UNC13B: variants seen among roughly 807,000 people sequenced by gnomAD.
UNC13B encodes the protein protein unc-13 homolog B.
In UNC13B, 144 loss-of-function variants were observed where a neutral mutation model predicts 211.0. The observed-to-expected ratio is 0.68, with a 90% confidence interval of 0.60 to 0.78. The LOEUF is 0.78. Among genes scored for constraint, UNC13B ranks in the 30% least tolerant of loss-of-function variants. The pLI is 0.00. For synonymous variants in UNC13B, 709 were observed against 725.8 expected, an observed-to-expected ratio of 0.98 and a Z score of 0.37; for missense variants, 1,777 against 2,002.0, an observed-to-expected ratio of 0.89 and a Z score of 2.14.
chr9:35,386,349 T>A, intron 24 of UNC13B, 56 bp downstream of exon 24: 1 of 1,608,000 alleles, frequency 6.2e-7, no homozygotes, highest in Non-Finnish European at 8.5e-7. Flanking sequence ...GGAGCCTCAG[T>A]TTTCCTTCAT....
chr9:35,168,263 G>C (rs1007935327), intron 1 of UNC13B, among the ~76,000 whole-genome samples: 3 of 152,038 alleles, frequency 2.0e-5, no homozygotes, highest in African/African-American at 7.3e-5. Flanking sequence ...TTAAGTTCAA[G>C]GGGTACATAT....
chr9:35,382,928 C>G (rs374696113), intron 21 of UNC13B, among the ~76,000 whole-genome samples: 1 of 152,102 alleles, frequency 6.6e-6, no homozygotes, highest in Non-Finnish European at 1.5e-5. Flanking sequence ...AGATAGCTAC[C>G]ATTTTGATAG....
Position 35,302,663 on chromosome 9 carries a change from A to G in UNC13B, c.3259A>G (p.Lys1087Glu), listed in dbSNP as rs1829743450. 5.0e-6 allele frequency: 2 copies of G among 398,582 alleles called. No individual in the cohort carries two copies. Among genetic ancestry groups the G allele is most frequent in the Non-Finnish European group, 8.9e-6 (2 of 225,772 alleles). The allele number at this position is 398,582 out of a possible 1,614,324, so 24.7% of individuals were successfully genotyped here. A position where few individuals can be genotyped will look rare whatever the true frequency, so the allele number is the denominator to read the frequency against. The change falls in exon 9 of 40, where the codon AAA becomes GAA. Residue 1087 changes from lysine to glutamate, a missense_variant. Physicochemically the swap from Lys to Glu is moderately conservative, Grantham distance 56. Coordinates refer to ENST00000635942, the MANE Select transcript of UNC13B (RefSeq NM_001371189.2). The stretch of plus-strand genomic sequence containing the variant: ...CTTAGCCATCCCTGGAGTTGTGCCC[A>G]AAGAACATATAACTTCAGATCCTTT... ...DGLAIPGVVP[K>E]EHITSDPLGE...
intron 1 of UNC13B, among the ~76,000 whole-genome samples, chr9:35,171,959 A>G (rs1173788139): frequency 1.3e-5 from 2 of 152,208 alleles, no homozygotes; most frequent in Non-Finnish European, 2.9e-5. Flanking sequence ...TTGAACTGCC[A>G]CAGAAAAGCT....
chr9:35,383,095 C>T (rs891061777), intron 21 of UNC13B, among the ~76,000 whole-genome samples: 4 of 152,172 alleles, frequency 2.6e-5, no homozygotes, highest in African/African-American at 9.7e-5. Context: ...CGATAGTCTT[C>T]CATATTCTTC....
chr9:35,226,682 G>A (rs1824860040), intron 1 of UNC13B, among the ~76,000 whole-genome samples: 1 of 152,220 alleles, frequency 6.6e-6, no homozygotes, highest in South Asian at 2.1e-4. Context: ...GAAAGATGGA[G>A]GCCAGAGGAC....
intron 1 of UNC13B, among the ~76,000 whole-genome samples, chr9:35,215,144 G>A (rs1824186624): frequency 6.6e-6 from 1 of 152,190 alleles, no homozygotes; most frequent in Non-Finnish European, 1.5e-5. Flanking sequence ...GGTGGCTCAT[G>A]CCTATCATCC....
rs1836114966 is a variant in UNC13B at position 35,399,266 on chromosome 9, C to T, written c.12180C>T (p.Pro4060=). ...MNTMERMIVL[P]PLTDQTGTQL... is the part of the protein sequence containing the mutation. ...CAATGGAGAGGATGATTGTTCTGCCCCCACTCACTGACCAGACGGTAAGGA... is the reference window on the plus strand; with the variant it reads ...CAATGGAGAGGATGATTGTTCTGCCTCCACTCACTGACCAGACGGTAAGGA... Residue 4060 remains proline (P), a synonymous_variant, in exon 34 of 40, where the codon CCC becomes CCT. Coordinates refer to ENST00000635942, the MANE Select transcript of UNC13B (RefSeq NM_001371189.2). 1 of 1,614,134 alleles carries T rather than the reference C, an allele frequency of 6.2e-7. No individual in the cohort carries two copies. Among genetic ancestry groups the T allele is most frequent in the Non-Finnish European group, 8.5e-7 (1 of 1,180,018 alleles).
intron 20 of UNC13B, 39 bp from the exon 21 acceptor site, chr9:35,382,318 C>T: frequency 6.3e-7 from 1 of 1,588,932 alleles, no homozygotes; most frequent in Non-Finnish European, 8.6e-7. Context: ...GCTGCAAGCC[C>T]TGAAGAGTCT....
In UNC13B at chr9:35,304,246, A is replaced by G. The variant is rs1204829727; in HGVS notation, c.4842A>G (p.Leu1614=). ...EPIDDPLDLS[L]ALPRSEEPLY... ...TTGATGACCCTCTTGATTTATCTTT[A>G]GCTTTGCCAAGAAGTGAGGAACCAT... is the stretch of plus-strand genomic sequence containing the variant. Residue 1614 remains leucine (L), a synonymous_variant, in exon 9 of 40, where the codon TTA becomes TTG. Transcript: ENST00000635942. The G allele has an allele frequency of 2.5e-6, 1 of 398,670 alleles. No individual in the cohort carries two copies. Among genetic ancestry groups the G allele is most frequent in the East Asian group, 3.6e-5 (1 of 28,068 alleles). The allele number at this position is 398,670 out of a possible 1,614,324, so 24.7% of individuals were successfully genotyped here. A position where few individuals can be genotyped will look rare whatever the true frequency, so the allele number is the denominator to read the frequency against.
At chr9:35,341,623 G>A (rs144670812) in intron 11 of UNC13B, among the ~76,000 whole-genome samples, 1 of 152,244 alleles carries the variant, frequency 6.6e-6, no homozygotes, top group Non-Finnish European at 1.5e-5. Flanking sequence ...AGGTGGATAG[G>A]GGAAAAGAAA....
chr9:35,283,720 T>G (rs1217537242), intron 7 of UNC13B, among the ~76,000 whole-genome samples: 1 of 152,144 alleles, frequency 6.6e-6, no homozygotes, highest in Non-Finnish European at 1.5e-5. Flanking sequence ...ATGCTAGAAT[T>G]GGAGTTGAGT....
At chr9:35,263,672 C>T (rs1827406023) in intron 7 of UNC13B, among the ~76,000 whole-genome samples, 1 of 152,028 alleles carries the variant, frequency 6.6e-6, no homozygotes, top group Non-Finnish European at 1.5e-5. Context: ...TGTGTCTACC[C>T]CCCATTTATA....
chr9:35,392,941 T>C (rs1248377347), intron 26 of UNC13B, among the ~76,000 whole-genome samples: 2 of 152,176 alleles, frequency 1.3e-5, no homozygotes, highest in Non-Finnish European at 2.9e-5. Context: ...GAATACAATT[T>C]AATGAGTTTT....
At chr9:35,338,885 G>T (rs1309074571) in intron 11 of UNC13B, among the ~76,000 whole-genome samples, 3 of 152,204 alleles carry the variant, frequency 2.0e-5, no homozygotes, top group African/African-American at 7.2e-5. Flanking sequence ...GGGAGACTTA[G>T]ACTGGTTTGT....
intron 11 of UNC13B, among the ~76,000 whole-genome samples, chr9:35,341,360 A>G (rs1020546779): frequency 6.6e-6 from 1 of 152,164 alleles, no homozygotes. Context: ...GCACTGTTTG[A>G]TTTTAACTGC....
intron 1 of UNC13B, among the ~76,000 whole-genome samples, chr9:35,209,225 G>A (rs774329762): frequency 4.0e-5 from 6 of 151,814 alleles, no homozygotes; most frequent in Middle Eastern, 3.4e-3. Flanking sequence ...CCACCGCACC[G>A]GCTAATTTTT....
rs538965122 is a variant in UNC13B at position 35,310,574 on chromosome 9, C to A, written c.9116C>A (p.Thr3039Lys). The change falls in exon 10 of 40, where the codon ACG becomes AAG. Residue 3039 changes from threonine to lysine, a missense_variant. Physicochemically the swap from Thr to Lys is moderately conservative, Grantham distance 78. Coordinates refer to ENST00000635942, the MANE Select transcript of UNC13B (RefSeq NM_001371189.2). ...YHEQDDDHRE[T>K]DSIHSCHSSH... is the part of the protein sequence containing the mutation. ...GAACAAGATGACGACCATCGGGAGA[C>A]GGACTCGATTCATTCTTGCCACAGC... 1.2e-6 allele frequency: 2 copies of A among 1,613,988 alleles called. No individual in the cohort carries two copies. Among genetic ancestry groups the A allele is most frequent in the South Asian group, 2.2e-5 (2 of 91,062 alleles).
chr9:35,263,927 G>A (rs1827423103), intron 7 of UNC13B, among the ~76,000 whole-genome samples: 1 of 152,156 alleles, frequency 6.6e-6, no homozygotes, highest in Non-Finnish European at 1.5e-5. Context: ...CTAGCCTCCA[G>A]AACTGTGAGA....
Sources: allele counts gnomAD v4.1 joint callset (sites outside exome capture counted in the v4.1 genomes callset), GRCh38; gene constraint gnomAD v4.1.1; transcripts MANE v1.5; gene names NCBI Gene and HGNC (gene_info 2026-07-23, HGNC 2026-07-21).